The following MYO3A variants were observed in gnomAD, a reference collection of about 807,000 sequenced individuals.
MYO3A encodes myosin-IIIa.
MYO3A carries 180 observed loss-of-function variants against 192.7 expected under a neutral mutation model. The ratio of observed to expected loss-of-function variants is 0.93; its 90% CI spans 0.83 to 1.06. The LOEUF (loss-of-function observed/expected upper bound fraction) is 1.06. Ranked by LOEUF, MYO3A falls within the 50% of genes least tolerant of loss-of-function variation. The probability of loss-of-function intolerance (pLI) is 0.00; values close to 1 mark genes in which losing one functional copy is unlikely to be tolerated. For synonymous variants in MYO3A, 628 were observed against 645.3 expected, an observed-to-expected ratio of 0.97 and a Z score of 0.41; for missense variants, 1,896 against 1,905.0, an observed-to-expected ratio of 1.00 and a Z score of 0.09.
chr10:26,036,129 T>C (rs1354878719), intron 10 of MYO3A, among the ~76,000 whole-genome samples: 1 of 151,900 alleles, frequency 6.6e-6, no homozygotes, highest in African/African-American at 2.4e-5. Context: ...TTAGTAGAGA[T>C]GGGGTTTCAC....
chr10:25,967,833 A>T (rs1173693739), intron 4 of MYO3A, among the ~76,000 whole-genome samples: 1 of 152,220 alleles, frequency 6.6e-6, no homozygotes, highest in Non-Finnish European at 1.5e-5. Flanking sequence ...TTAACAGCAC[A>T]ATAGGCATAT....
At chr10:25,952,466 G>A (rs1275788429) in intron 3 of MYO3A, among the ~76,000 whole-genome samples, 188 bp downstream of exon 3, 3 of 152,076 alleles carry the variant, frequency 2.0e-5, no homozygotes, top group Admixed American at 6.6e-5. Flanking sequence ...TATGTAATAA[G>A]GCACAATAAG....
intron 10 of MYO3A, among the ~76,000 whole-genome samples, chr10:26,052,441 G>T (rs1438406795): frequency 2.0e-5 from 3 of 152,104 alleles, no homozygotes; most frequent in East Asian, 3.9e-4. Flanking sequence ...GGCTCACCAG[G>T]CTGGTGTGTG....
intron 4 of MYO3A, among the ~76,000 whole-genome samples, chr10:25,995,218 C>A (rs1240699366): frequency 6.6e-6 from 1 of 152,110 alleles, no homozygotes; most frequent in Non-Finnish European, 1.5e-5. Context: ...TCTTTTTATT[C>A]TTTTTTCTCT....
At chr10:26,085,039 T>C (rs974587811) in intron 14 of MYO3A, among the ~76,000 whole-genome samples, 15 of 152,176 alleles carry the variant, frequency 9.9e-5, no homozygotes. Context: ...GCTACCCAAA[T>C]TGCTTGTAGA....
At chr10:26,109,512 C>T (rs1218573378) in intron 17 of MYO3A, among the ~76,000 whole-genome samples, 1 of 152,164 alleles carries the variant, frequency 6.6e-6, no homozygotes, top group African/African-American at 2.4e-5. Context: ...ATTAGTAACC[C>T]TGTTGGTTAT....
intron 7 of MYO3A, 105 bp from the exon 8 acceptor site, chr10:26,021,398 A>G: frequency 2.2e-6 from 3 of 1,365,582 alleles, no homozygotes; most frequent in Non-Finnish European, 3.1e-6. Flanking sequence ...ACTTATAGCT[A>G]TCAAACTTCA....
At chr10:25,979,444 G>T (rs1839169896) in intron 4 of MYO3A, among the ~76,000 whole-genome samples, 1 of 148,298 alleles carries the variant, frequency 6.7e-6, no homozygotes, top group Non-Finnish European at 1.5e-5. Flanking sequence ...TGACCATACA[G>T]AAAAAAGTTG....
chr10:26,193,135 C>G (rs1843230599), intron 31 of MYO3A, 70 bp from the exon 32 acceptor site: 1 of 1,243,956 alleles, frequency 8.0e-7, no homozygotes, highest in Admixed American at 1.8e-5. Flanking sequence ...CTTATTTATC[C>G]CAAAAGGAAA....
intron 17 of MYO3A, among the ~76,000 whole-genome samples, chr10:26,102,692 A>AGGGG (rs1837538595): frequency 6.6e-6 from 1 of 152,168 alleles, no homozygotes; most frequent in African/African-American, 2.4e-5. Flanking sequence ...TCTGGGTATC[A>AGGGG]CCAGCGGAGG....
rs1195113173 is a variant in MYO3A, at chr10:26,144,520, T to C, written c.2416+919T>C. ...CATTTCATAGCAGTCAGTTGATTTT[T>C]AGATCAAATGATCCTTCTAGAATAA... On this transcript the variant is annotated intron_variant, in intron 21 of 34. Coordinates refer to ENST00000642920, the MANE Select transcript of MYO3A (RefSeq NM_017433.5). Among the ~76,000 whole-genome samples the C allele has an allele frequency of 2.0e-5, 3 of 152,050 alleles. 1 individual carries two copies. Among genetic ancestry groups the C allele is most frequent in the South Asian group, 4.2e-4 (2 of 4,808 alleles).
In MYO3A at chr10:25,997,214, A is replaced by T. The variant is rs1197852220; in HGVS notation, c.464A>T (p.Asn155Ile). 4 of 1,613,564 alleles carry T rather than the reference A, an allele frequency of 2.5e-6. No individual in the cohort carries two copies. The highest frequency in any genetic ancestry group is 1.3e-5 in the African/African-American group (1 of 74,920). The change falls in exon 6 of 35, where the codon AAC (asparagine) becomes ATC (isoleucine). Residue 155 changes from asparagine to isoleucine, a missense_variant. Transcript: ENST00000642920. ...ATCCACAGAGATGTGAAAGGCAATA[A>T]CATTCTATTGACCACGGAAGGTGGA... is the stretch of plus-strand genomic sequence containing the variant. ...KTIHRDVKGN[N>I]ILLTTEGGVK...
At chr10:25,979,636 C>G (rs149688869) in intron 4 of MYO3A, among the ~76,000 whole-genome samples, 103 of 152,302 alleles carry the variant, frequency 6.8e-4, no homozygotes, top group African/African-American at 2.4e-3. Context: ...TTACCAGTCT[C>G]TGTGAAATTC....
intron 4 of MYO3A, among the ~76,000 whole-genome samples, chr10:25,966,537 T>A (rs184478054): frequency 2.0e-5 from 3 of 152,258 alleles, no homozygotes; most frequent in African/African-American, 4.8e-5. Flanking sequence ...AGAAGTTCTA[T>A]GTGAGGAGGC....
intron 10 of MYO3A, among the ~76,000 whole-genome samples, chr10:26,037,721 C>A (rs72793946): frequency 0.17 from 25,265 of 151,978 alleles, 2,362 homozygotes; most frequent in Non-Finnish European, 0.21. Context: ...CTCAGGCTGT[C>A]CAGGAAGCAT....
chr10:26,034,489 A>C (rs970454009), intron 10 of MYO3A, among the ~76,000 whole-genome samples: 1 of 152,256 alleles, frequency 6.6e-6, no homozygotes, highest in Non-Finnish European at 1.5e-5. Flanking sequence ...GATGAAGTAA[A>C]GACTGTATCT....
chr10:26,047,641 G>A (rs1588855643), intron 10 of MYO3A, among the ~76,000 whole-genome samples: 2 of 152,154 alleles, frequency 1.3e-5, no homozygotes, highest in East Asian at 3.9e-4. Flanking sequence ...CGGGCGTGGT[G>A]GCAGGCGCCT....
intron 3 of MYO3A, among the ~76,000 whole-genome samples, chr10:25,953,364 A>G (rs1470324019): frequency 2.6e-5 from 4 of 152,056 alleles, no homozygotes; most frequent in East Asian, 1.9e-4. Context: ...GGAGAAAGGT[A>G]GGGGAGGTTT....
At position 26,147,545 on chromosome 10, in the gene MYO3A, C is replaced by T; in HGVS notation, c.2621C>T (p.Pro874Leu). ...NSVIRQLVNH[P>L]LTKTGNLPHS... ...GTAATTAGGCAACTAGTCAACCACCCTCTGACCAAAACAGGTAAGACAATT... is the reference window on the plus strand; with the variant it reads ...GTAATTAGGCAACTAGTCAACCACCTTCTGACCAAAACAGGTAAGACAATT... The change falls in exon 23 of 35, where the codon CCT (proline) becomes CTT (leucine). Residue 874 changes from proline (P) to leucine (L), a missense_variant. Pro to Leu is a moderately conservative substitution (Grantham distance 98). Coordinates refer to ENST00000642920, the MANE Select transcript of MYO3A (RefSeq NM_017433.5). 6.2e-7 allele frequency: 1 copy of T among 1,614,028 alleles called. No homozygotes were observed. The highest frequency in any genetic ancestry group is 8.5e-7 in the Non-Finnish European group (1 of 1,179,948).
Sources: gnomAD v4.1 joint callset for allele counts (sites outside exome capture counted in the v4.1 genomes callset) on GRCh38, gnomAD v4.1.1 for gene constraint, MANE v1.5 for transcripts, NCBI Gene and HGNC (gene_info 2026-07-23, HGNC 2026-07-21) for gene names.